Variants in PRH1 observed in about 807,000 individuals in gnomAD.
PRH1 encodes salivary acidic proline-rich phosphoprotein 1/2.
PRH1 carries 7 observed loss-of-function variants against 7.9 expected under a neutral mutation model. That is an observed-to-expected ratio of 0.89 (90% CI 0.50 to 1.67). The LOEUF is 1.67. Ranked by LOEUF, PRH1 falls within the 40% of genes most tolerant of loss-of-function variation. The pLI is 0.00. For synonymous variants in PRH1, 45 were observed against 80.8 expected (o/e 0.56, Z 2.38); for missense variants, 109 against 223.6 (o/e 0.49, Z 3.27).
chr12:11,138,037 T>G (rs1946605063), intron 1 of PRH1, among the ~76,000 whole-genome samples: 1 of 152,178 alleles, frequency 6.6e-6, no homozygotes. Context: ...TCAAGAATAA[T>G]GTAAAACCAA....
intron 1 of PRH1, among the ~76,000 whole-genome samples, chr12:11,098,961 A>T (rs2708364): frequency 0.46 from 69,196 of 152,010 alleles, 16,567 homozygotes; most frequent in Non-Finnish European, 0.53. Flanking sequence ...TTTCAGCCCA[A>T]GAATAATATT....
Position 11,090,428 on chromosome 12 carries a change from T to C in PRH1, n.124-43240A>G, listed in dbSNP as rs745733178. Among the ~76,000 whole-genome samples, 3 of 116,208 alleles carry C rather than the reference T, an allele frequency of 2.6e-5. 1 individual carries two copies. The highest frequency in any genetic ancestry group is 6.1e-5 in the Non-Finnish European group (3 of 48,940). 76.2% of individuals were successfully genotyped at this position (116,208 alleles called of 152,430 possible). A position where few individuals can be genotyped will look rare whatever the true frequency, so the allele number is the denominator to read the frequency against. ...GGGCTTAAAAGTGCTTTAGAAAGAA[T>C]ACTAAAATAATTTACATGAGATCTC... On this transcript the variant is annotated intron_variant and non_coding_transcript_variant, in intron 1 of 4. Coordinates refer to the PRH1 transcript ENST00000541977.
intron 1 of PRH1, among the ~76,000 whole-genome samples, chr12:11,046,497 A>T (rs1052171645): frequency 7.9e-5 from 12 of 152,036 alleles, no homozygotes; most frequent in Middle Eastern, 3.4e-3. Context: ...TGTTACTTCA[A>T]CCCAGTAAGT....
chr12:10,897,996 T>C (rs1245984243), intron 2 of PRH1, among the ~76,000 whole-genome samples: 1 of 152,238 alleles, frequency 6.6e-6, no homozygotes, highest in Admixed American at 6.5e-5. Context: ...TTATTTAGCA[T>C]ATGAATGGTA....
At chr12:11,069,064 G>GA (rs1439872663) in intron 1 of PRH1, among the ~76,000 whole-genome samples, 1 of 151,270 alleles carries the variant, frequency 6.6e-6, no homozygotes, top group Non-Finnish European at 1.5e-5. Context: ...ACTGCAGGTG[G>GA]ACACCACCTC....
upstream of PRH1, chr12:11,048,990 G>T: frequency 3.4e-6 from 1 of 290,572 alleles, no homozygotes; most frequent in South Asian, 7.2e-5. Flanking sequence ...CTTGGTTATT[G>T]CTGAGACATT....
At chr12:11,038,023 C>A (rs1215740345) in intron 1 of PRH1, among the ~76,000 whole-genome samples, 1 of 152,252 alleles carries the variant, frequency 6.6e-6, no homozygotes, top group Non-Finnish European at 1.5e-5. Context: ...GCCTGGGCAA[C>A]AGAGTGAGAC....
intron 1 of PRH1, chr12:11,022,245 C>T (rs1941687930): frequency 2.5e-6 from 4 of 1,614,178 alleles, no homozygotes; most frequent in Non-Finnish European, 3.4e-6. Flanking sequence ...AATTGGCAAT[C>T]TTGAGCAAAC....
At chr12:11,113,075 G>A (rs1201323823) in intron 1 of PRH1, among the ~76,000 whole-genome samples, 3 of 151,956 alleles carry the variant, frequency 2.0e-5, no homozygotes, top group Admixed American at 2.0e-4. Context: ...AAAATACCTA[G>A]GAATACAGCT....
chr12:11,030,528 T>G, intron 1 of PRH1: 1 of 1,614,238 alleles, frequency 6.2e-7, no homozygotes, highest in Non-Finnish European at 8.5e-7. Context: ...GAAGGATAGC[T>G]GAATCTAATA....
At chr12:11,054,944 C>T (rs1231133110) in intron 1 of PRH1, among the ~76,000 whole-genome samples, 1 of 149,824 alleles carries the variant, frequency 6.7e-6, no homozygotes, top group African/African-American at 2.5e-5. Context: ...AGCTCCGCCT[C>T]ACTGCAAGCT....
intron 2 of PRH1, chr12:10,908,768 C>G: frequency 6.2e-7 from 1 of 1,613,974 alleles, no homozygotes; most frequent in East Asian, 2.2e-5. Flanking sequence ...ATTTGACCGA[C>G]ACTGAAAATG....
chr12:11,053,652 T>C (rs762157352), intron 1 of PRH1, among the ~76,000 whole-genome samples: 37 of 152,270 alleles, frequency 2.4e-4, no homozygotes, highest in Non-Finnish European at 5.3e-4. Context: ...ATTTCAGAAA[T>C]AAATCATTTA....
chr12:10,966,131 C>G (rs897514879), intron 2 of PRH1, among the ~76,000 whole-genome samples: 1 of 152,190 alleles, frequency 6.6e-6, no homozygotes, highest in Non-Finnish European at 1.5e-5. Flanking sequence ...TTTTCCCACT[C>G]AGGGTTTTCA....
chr12:11,037,329 C>G (rs1350863908), intron 1 of PRH1, among the ~76,000 whole-genome samples: 1 of 152,202 alleles, frequency 6.6e-6, no homozygotes, highest in African/African-American at 2.4e-5. Flanking sequence ...TATATATGCA[C>G]AAACATACTC....
At chr12:11,070,205 A>C (rs1320637762) in intron 1 of PRH1, among the ~76,000 whole-genome samples, 2 of 152,192 alleles carry the variant, frequency 1.3e-5, no homozygotes, top group African/African-American at 2.4e-5. Flanking sequence ...ATTGGTAGTC[A>C]GCAGCTCAGG....
At chr12:11,123,564 T>G (rs1269078516) in intron 1 of PRH1, among the ~76,000 whole-genome samples, 3 of 152,174 alleles carry the variant, frequency 2.0e-5, no homozygotes, top group African/African-American at 7.2e-5. Context: ...TTGTCATTAA[T>G]TTTATTGCTT....
intron 1 of PRH1, among the ~76,000 whole-genome samples, chr12:11,038,322 G>T (rs1942536379): frequency 6.6e-6 from 1 of 152,204 alleles, no homozygotes; most frequent in South Asian, 2.1e-4. Context: ...CAAGAAAAAA[G>T]AATTTGCCAG....
At chr12:11,160,060 A>T (rs144439995) in intron 1 of PRH1, among the ~76,000 whole-genome samples, 1 of 152,342 alleles carries the variant, frequency 6.6e-6, no homozygotes, top group East Asian at 1.9e-4. Flanking sequence ...GTATGTAAAC[A>T]TGCAAAAATG....
Sources: allele counts gnomAD v4.1 joint callset (sites outside exome capture counted in the v4.1 genomes callset), GRCh38; gene constraint gnomAD v4.1.1; transcripts MANE v1.5; gene names NCBI Gene and HGNC (gene_info 2026-07-23, HGNC 2026-07-21).